The following WWOX variants were observed in gnomAD, a reference collection of about 807,000 sequenced individuals.
The protein encoded by WWOX is WW domain-containing oxidoreductase.
In WWOX, 69 loss-of-function variants were observed where a neutral mutation model predicts 46.2. That is an observed-to-expected ratio of 1.49 (90% CI 1.23 to 1.82). The LOEUF is 1.82. Among genes scored for constraint, WWOX ranks in the 40% most tolerant of loss-of-function variants. The probability of loss-of-function intolerance (pLI) is 0.00; values close to 1 mark genes in which losing one functional copy is unlikely to be tolerated. For synonymous variants in WWOX, 359 were observed against 202.6 expected (o/e 1.77, Z -6.56); for missense variants, 919 against 542.6 (o/e 1.69, Z -6.89).
chr16:78,436,522 T>G (rs904195368), intron 8 of WWOX, among the ~76,000 whole-genome samples: 1 of 152,184 alleles, frequency 6.6e-6, no homozygotes, highest in Non-Finnish European at 1.5e-5. Context: ...TCCTCTCTAG[T>G]GTATTTATAT....
chr16:78,942,353 A>G (rs886857257), intron 8 of WWOX, among the ~76,000 whole-genome samples: 1 of 152,194 alleles, frequency 6.6e-6, no homozygotes, highest in Non-Finnish European at 1.5e-5. Context: ...AAGAACCTCT[A>G]GCGCAGCCTA....
intron 8 of WWOX, among the ~76,000 whole-genome samples, chr16:78,470,640 C>G (rs1357580644): frequency 6.6e-6 from 1 of 152,214 alleles, no homozygotes; most frequent in African/African-American, 2.4e-5. Flanking sequence ...AGCCATTCTC[C>G]TGCCTCAGCC....
In WWOX at chr16:78,184,732, C is replaced by T. The variant is rs79873401; in HGVS notation, c.516+20443C>T. ...TTTTTATGGTCGGTAATGCAACCAC[C>T]GTAAAAGCAAGTCTGGGTTATATAG... On this transcript the variant is annotated intron_variant, in intron 5 of 8. Transcript: ENST00000566780. 2.0e-3 allele frequency among the ~76,000 whole-genome samples: 304 copies of T among 152,204 alleles called. 1 individual carries two copies. Among genetic ancestry groups the T allele is most frequent in the African/African-American group, 6.7e-3 (277 of 41,530 alleles).
intron 8 of WWOX, among the ~76,000 whole-genome samples, chr16:78,558,258 T>A (rs1446972218): frequency 1.3e-5 from 2 of 152,138 alleles, no homozygotes; most frequent in Non-Finnish European, 2.9e-5. Flanking sequence ...GTGCCTGGAG[T>A]CTCCATCCTC....
At chr16:78,251,360 C>T (rs2037979417) in intron 5 of WWOX, among the ~76,000 whole-genome samples, 1 of 152,168 alleles carries the variant, frequency 6.6e-6, no homozygotes, top group South Asian at 2.1e-4. Context: ...CTGGCTTCGT[C>T]ATCTTCCCTA....
chr16:78,143,407 T>C (rs1005943387), intron 4 of WWOX, among the ~76,000 whole-genome samples: 6 of 152,306 alleles, frequency 3.9e-5, no homozygotes, highest in Non-Finnish European at 8.8e-5. Context: ...ATATTGTCTA[T>C]TCGAAGGGTC....
intron 8 of WWOX, among the ~76,000 whole-genome samples, chr16:79,072,407 C>T (rs1181739099): frequency 6.6e-6 from 1 of 152,142 alleles, no homozygotes; most frequent in African/African-American, 2.4e-5. Flanking sequence ...TCCACATGGA[C>T]AGAATTTCAT....
At chr16:78,652,402 C>T (rs1372055156) in intron 8 of WWOX, among the ~76,000 whole-genome samples, 7 of 138,616 alleles carry the variant, frequency 5.0e-5, no homozygotes, top group South Asian at 2.3e-4. Context: ...GAGCGAGACT[C>T]CGTCTCAAAA....
intron 8 of WWOX, among the ~76,000 whole-genome samples, chr16:78,971,757 G>A (rs1322600637): frequency 1.5e-4 from 14 of 95,064 alleles, no homozygotes; most frequent in African/African-American, 5.5e-4. Flanking sequence ...CCTTCTTTTT[G>A]TGCTGTTGGG....
At chr16:78,443,883 T>A (rs1251427967) in intron 8 of WWOX, among the ~76,000 whole-genome samples, 1 of 152,194 alleles carries the variant, frequency 6.6e-6, no homozygotes, top group African/African-American at 2.4e-5. Flanking sequence ...CCAGTGATTT[T>A]TGGCTGCAAC....
At chr16:78,524,717 C>T (rs2043422112) in intron 8 of WWOX, among the ~76,000 whole-genome samples, 1 of 151,458 alleles carries the variant, frequency 6.6e-6, no homozygotes, top group South Asian at 2.1e-4. Flanking sequence ...CCGCGCCCAG[C>T]CTGTATTTAT....
intron 8 of WWOX, among the ~76,000 whole-genome samples, chr16:78,801,825 A>G (rs1323782721): frequency 6.6e-6 from 1 of 152,194 alleles, no homozygotes; most frequent in Non-Finnish European, 1.5e-5. Flanking sequence ...TGTGTAAGAT[A>G]TACAATTTAA....
intron 8 of WWOX, among the ~76,000 whole-genome samples, chr16:78,678,983 C>T (rs1215831607): frequency 6.6e-6 from 1 of 152,166 alleles, no homozygotes; most frequent in Non-Finnish European, 1.5e-5. Flanking sequence ...GACCCTTTTC[C>T]TCCCACAACC....
At chr16:78,595,063 C>G (rs559595232) in intron 8 of WWOX, among the ~76,000 whole-genome samples, 168 of 152,118 alleles carry the variant, frequency 1.1e-3, no homozygotes, top group Non-Finnish European at 2.0e-3. Flanking sequence ...GCTTGGGGAC[C>G]CCAGGGTGGA....
intron 8 of WWOX, among the ~76,000 whole-genome samples, chr16:78,582,672 TGGTG>T (rs2045090569): frequency 6.6e-6 from 1 of 152,186 alleles, no homozygotes; most frequent in Non-Finnish European, 1.5e-5. Flanking sequence ...TAGTCATTCC[TGGTG>T]GGTGACTGAT....
At chr16:78,319,824 C>A (rs545787530) in intron 5 of WWOX, among the ~76,000 whole-genome samples, 2 of 152,312 alleles carry the variant, frequency 1.3e-5, no homozygotes, top group East Asian at 3.9e-4. Context: ...TTCTTTCAGC[C>A]TGTGAGGAAG....
chr16:78,534,038 A>G lies in WWOX; in HGVS notation c.1056+101286A>G, dbSNP rs534876526. Among the ~76,000 whole-genome samples, 5 of 152,356 alleles carry G rather than the reference A, an allele frequency of 3.3e-5. No individual in the cohort carries two copies. The East Asian group carries it at 9.6e-4, about 29-fold the overall frequency. On this transcript the variant is annotated intron_variant, in intron 8 of 8. Transcript: ENST00000566780. ...AGTGATGGGTAAGAGAGTTCTCAGA[A>G]AAATGGATATAAACAATATTGTAAA...
intron 8 of WWOX, among the ~76,000 whole-genome samples, chr16:79,209,756 C>T (rs2051652573): frequency 6.6e-6 from 1 of 152,200 alleles, no homozygotes; most frequent in African/African-American, 2.4e-5. Flanking sequence ...TCTTTAGAGG[C>T]ACTTCTGCTT....
intron 5 of WWOX, among the ~76,000 whole-genome samples, chr16:78,306,979 C>T (rs190372006): frequency 5.3e-5 from 8 of 152,314 alleles, no homozygotes; most frequent in African/African-American, 2.4e-5. Context: ...TTCCAACCTT[C>T]TGGGTTTTTT....
Sources: allele counts gnomAD v4.1 joint callset (sites outside exome capture counted in the v4.1 genomes callset), GRCh38; gene constraint gnomAD v4.1.1; transcripts MANE v1.5; gene names NCBI Gene and HGNC (gene_info 2026-07-23, HGNC 2026-07-21).